The following MYO5A variants were observed in gnomAD, a reference collection of about 807,000 sequenced individuals.
MYO5A encodes the protein myosin VA, also known as unconventional myosin-Va.
In MYO5A, 98 loss-of-function variants were observed where a neutral mutation model predicts 249.7. That is an observed-to-expected ratio of 0.39 (90% confidence interval 0.33 to 0.46). MYO5A has a LOEUF of 0.46. MYO5A is among the 20% of genes least tolerant of loss of function. The pLI is 0.98. For synonymous variants in MYO5A, 778 were observed against 810.6 expected (o/e 0.96, Z 0.68); for missense variants, 1,696 against 2,308.8 (o/e 0.73, Z 5.44).
At chr15:52,447,323 T>G (rs556567024) in intron 1 of MYO5A, among the ~76,000 whole-genome samples, 3 of 152,194 alleles carry the variant, frequency 2.0e-5, no homozygotes, top group African/African-American at 7.2e-5. Context: ...CCATGTGATG[T>G]GCCCACTCCC....
chr15:52,472,741 C>T (rs942423709), intron 1 of MYO5A, among the ~76,000 whole-genome samples: 44 of 152,212 alleles, frequency 2.9e-4, no homozygotes, highest in Non-Finnish European at 5.3e-4. Context: ...TTTATGGCTA[C>T]GTAGTATTCC....
Position 52,312,154 on chromosome 15 carries a change from A to T in MYO5A, c.*1542T>A, listed in dbSNP as rs981389099. 3.3e-5 allele frequency: 5 copies of T among 152,200 alleles called. 1 individual carries two copies. Among genetic ancestry groups the T allele is most frequent in the Middle Eastern group, 6.3e-3 (2 of 316 alleles). 9.4% of individuals were successfully genotyped at this position (152,200 alleles called of 1,614,324 possible). ...AACCAAATCCTCTGTAAAATTCAAC[A>T]ATCTTCTATTTCTTATATAAGTCTT... On this transcript the variant is annotated 3_prime_UTR_variant, in exon 42 of 42. Coordinates refer to ENST00000399233, the MANE Select transcript of MYO5A (RefSeq NM_001382347.1).
At position 52,331,878 on chromosome 15, in the gene MYO5A, G is replaced by A. The variant is rs1040876027; in HGVS notation, c.4409-1379C>T. The A allele has an allele frequency of 1.1e-5, 11 of 984,954 alleles. No homozygotes were observed. In the South Asian group the frequency reaches 1.4e-4, roughly 13 times the overall value. 61.0% of individuals were successfully genotyped at this position (984,954 alleles called of 1,614,324 possible). A position where few individuals can be genotyped will look rare whatever the true frequency, so the allele number is the denominator to read the frequency against. On this transcript the variant is annotated intron_variant, in intron 34 of 41. Transcript: ENST00000399233. ...TTGTGATTGGACAGATCAGGGCTAC[G>A]GCCATCTCCCATAATCTAGTTTTTC...
chr15:52,393,055 G>T (rs1279012541), intron 11 of MYO5A, among the ~76,000 whole-genome samples: 1 of 152,136 alleles, frequency 6.6e-6, no homozygotes, highest in Non-Finnish European at 1.5e-5. Flanking sequence ...TCCTGTTTCA[G>T]GGTGCTGCCC....
intron 1 of MYO5A, among the ~76,000 whole-genome samples, chr15:52,522,403 C>G (rs532705288): frequency 6.6e-6 from 1 of 152,180 alleles, no homozygotes; most frequent in East Asian, 1.9e-4. Flanking sequence ...AGGACAAACT[C>G]CCTAGGAAGA....
intron 5 of MYO5A, chr15:52,415,929 T>G (rs905943440): frequency 1.6e-5 from 10 of 606,258 alleles, no homozygotes; most frequent in Non-Finnish European, 2.0e-5. Flanking sequence ...GATTATAGAC[T>G]AAAACAGATT....
chr15:52,331,622 T>C (rs2038891974), intron 34 of MYO5A: 3 of 966,944 alleles, frequency 3.1e-6, no homozygotes, highest in Non-Finnish European at 2.5e-6. Flanking sequence ...GCTTCTTGTG[T>C]CACTCTGGGT....
chr15:52,485,903 C>T (rs548124168), intron 1 of MYO5A, among the ~76,000 whole-genome samples: 3 of 152,148 alleles, frequency 2.0e-5, no homozygotes, highest in African/African-American at 4.8e-5. Flanking sequence ...ATCCTTTAGG[C>T]GAATCTTAGG....
At position 52,528,848 on chromosome 15, in the gene MYO5A, C is replaced by T. The variant is rs1213150403; in HGVS notation, c.-42G>A. 1.4e-6 allele frequency: 2 copies of T among 1,448,490 alleles called. No individual in the cohort carries two copies. The highest frequency in any genetic ancestry group is 1.5e-5 in the African/African-American group (1 of 67,598). 89.7% of individuals were successfully genotyped at this position (1,448,490 alleles called of 1,614,324 possible). On this transcript the variant is annotated 5_prime_UTR_variant, in exon 1 of 42. Coordinates refer to ENST00000399233, the MANE Select transcript of MYO5A (RefSeq NM_001382347.1). ...CTACGCCCCCCGCCTGTGCGGAGGC[C>T]GCACCTCGCCTGGGCGGCCGCCCGA...
chr15:52,467,123 G>C (rs2076369454), intron 1 of MYO5A, among the ~76,000 whole-genome samples: 2 of 152,186 alleles, frequency 1.3e-5, no homozygotes, highest in Non-Finnish European at 2.9e-5. Flanking sequence ...GTATGAAAAA[G>C]CAAGGTATTA....
In MYO5A at chr15:52,389,321, T is replaced by G; in HGVS notation, c.1585A>C (p.Asn529His). 2 of 1,613,252 alleles carry G rather than the reference T, an allele frequency of 1.2e-6. No homozygotes were observed. The highest frequency in any genetic ancestry group is 1.1e-5 in the South Asian group (1 of 91,052). Residue 529 changes from asparagine (N) to histidine (H), a missense_variant, in exon 13 of 42, where the codon AAC (asparagine) becomes CAC (histidine). Around this residue, in one of 5 missense-constraint regions of MYO5A, gnomAD observed 277 missense variants for 422.4 expected, o/e 0.66. Transcript: ENST00000399233. The part of the protein sequence containing the change: ...TDDTWAQKLY[N>H]THLNKCALFE... ...AGTGCACATTTGTTCAAATGTGTGT[T>G]GTACAATTTTTGGGCCCAGGTGTCA... is the stretch of plus-strand genomic sequence containing the variant.
intron 1 of MYO5A, among the ~76,000 whole-genome samples, chr15:52,486,214 T>C (rs908966385): frequency 3.3e-5 from 5 of 152,210 alleles, no homozygotes; most frequent in Admixed American, 2.0e-4. Context: ...CTGTTTGCCA[T>C]GTCCAGGCGT....
At position 52,370,301 on chromosome 15, in the gene MYO5A, C is replaced by A. The variant is rs370255793; in HGVS notation, c.2934G>T (p.Ala978=). The change falls in exon 22 of 42, where the codon GCG becomes GCT. Residue 978 remains alanine, a synonymous_variant. Transcript: ENST00000399233. ...TAAGGACCCGCCCAGTGGCAACTTT[C>A]GCTTCCTCTTCACTTAGTTGAAGAC... is the stretch of plus-strand genomic sequence containing the variant. The part of the protein sequence containing the change: ...LERLQLSEEE[A]KVATGRVLSL... 1 of 1,614,154 alleles carries A rather than the reference C, an allele frequency of 6.2e-7. No individual in the cohort carries two copies. The highest frequency in any genetic ancestry group is 8.5e-7 in the Non-Finnish European group (1 of 1,180,002).
chr15:52,356,981 C>G (rs2040260773), intron 25 of MYO5A, among the ~76,000 whole-genome samples: 1 of 151,676 alleles, frequency 6.6e-6, no homozygotes, highest in Non-Finnish European at 1.5e-5. Flanking sequence ...TTAATTACAC[C>G]TGAACTTTTT....
intron 1 of MYO5A, among the ~76,000 whole-genome samples, chr15:52,467,051 T>C (rs2076367954): frequency 6.6e-6 from 1 of 152,206 alleles, no homozygotes; most frequent in Non-Finnish European, 1.5e-5. Flanking sequence ...TGCAGACAAA[T>C]GGCCCTACCC....
chr15:52,370,411 C>A lies in MYO5A; in HGVS notation c.2824G>T (p.Asp942Tyr). The change falls in exon 22 of 42, where the codon GAC becomes TAC. Residue 942 changes from aspartate to tyrosine, a missense_variant. Asp to Tyr is a radical substitution (Grantham distance 160). This residue lies in a region of MYO5A where 412 missense variants were observed against 453.3 expected (regional missense o/e 0.91). Coordinates refer to ENST00000399233, the MANE Select transcript of MYO5A (RefSeq NM_001382347.1). ...LQRKVDEQNKDYKCLVEKLTN... is the reference protein window; with the variant it reads ...LQRKVDEQNKYYKCLVEKLTN... ...AGTTTCTCCACAAGGCATTTGTAGT[C>A]TTTGTTCTTTAAACATACACATAAG... 1 of 1,610,622 alleles carries A rather than the reference C, an allele frequency of 6.2e-7. No individual in the cohort carries two copies. The highest frequency in any genetic ancestry group is 1.7e-5 in the Admixed American group (1 of 60,000).
At chr15:52,405,257 C>T (rs770075363) in intron 9 of MYO5A, 30 bp downstream of exon 9, 6 of 1,462,496 alleles carry the variant, frequency 4.1e-6, no homozygotes, top group East Asian at 2.3e-5. Flanking sequence ...AATTCAACTG[C>T]CATCCCACTA....
chr15:52,398,421 G>A (rs1157005645), intron 9 of MYO5A, among the ~76,000 whole-genome samples: 1 of 152,184 alleles, frequency 6.6e-6, no homozygotes, highest in Non-Finnish European at 1.5e-5. Context: ...TAGGGAGGGT[G>A]AACATTGTCT....
chr15:52,492,431 A>G (rs1384179890), intron 1 of MYO5A, among the ~76,000 whole-genome samples: 1 of 152,246 alleles, frequency 6.6e-6, no homozygotes. Context: ...AGAGAGGCTC[A>G]TTAGGGACAC....
Sources: allele counts gnomAD v4.1 joint callset (sites outside exome capture counted in the v4.1 genomes callset), GRCh38; gene constraint gnomAD v4.1.1; regional missense constraint gnomAD v4.1.1; transcripts MANE v1.5; gene names NCBI Gene and HGNC (gene_info 2026-07-23, HGNC 2026-07-21).